Variants in DTNB observed in about 807,000 individuals in gnomAD.
The protein encoded by DTNB is DTN-B.
DTNB carries 63 observed loss-of-function variants against 90.7 expected under a neutral mutation model. The ratio of observed to expected loss-of-function variants is 0.69; its 90% confidence interval spans 0.57 to 0.86. The LOEUF (loss-of-function observed/expected upper bound fraction) is 0.86, where lower values mean the gene tolerates loss of function less well. DTNB is among the 40% of genes least tolerant of loss of function. The pLI, the probability that DTNB is intolerant of heterozygous loss-of-function variation, is 0.00. For synonymous variants in DTNB, 277 were observed against 286.7 expected, an observed-to-expected ratio of 0.97 and a Z score of 0.34; for missense variants, 744 against 807.1, an observed-to-expected ratio of 0.92 and a Z score of 0.95.
At chr2:25,412,536 A>T (rs1462589848) in intron 16 of DTNB, among the ~76,000 whole-genome samples, 1 of 152,208 alleles carries the variant, frequency 6.6e-6, no homozygotes, top group African/African-American at 2.4e-5. Context: ...TTACTGTCTA[A>T]AGTTACAGTC....
In DTNB at chr2:25,521,386, ATT is replaced by A. The variant is rs58602052; in HGVS notation, c.1001+10085_1001+10086del. Reference sequence around the variant, plus strand: ...GAGTGAGTATGGCTGTGTCCCAATAATTTTTTTTTTTTTTTTTTTTAAGACAG... The same window carrying A: ...GAGTGAGTATGGCTGTGTCCCAATAATTTTTTTTTTTTTTTTTTAAGACAG... On this transcript the variant is annotated intron_variant, in intron 9 of 20. Coordinates refer to ENST00000406818, the MANE Select transcript of DTNB (RefSeq NM_021907.5). 2.7e-3 allele frequency among the ~76,000 whole-genome samples: 368 copies of A among 137,828 alleles called. 3 individuals carry two copies. Among genetic ancestry groups the A allele is most frequent in the African/African-American group, 8.2e-3 (307 of 37,510 alleles). 90.4% of individuals were successfully genotyped at this position (137,828 alleles called of 152,430 possible).
intron 4 of DTNB, among the ~76,000 whole-genome samples, chr2:25,617,193 G>A (rs528014005): frequency 6.6e-6 from 1 of 152,224 alleles, no homozygotes; most frequent in African/African-American, 2.4e-5. Context: ...AAGGGTCAGG[G>A]GATATGCACC....
At chr2:25,595,989 AC>A (rs1391653268) in intron 6 of DTNB, 96 bp downstream of exon 6, 1 of 1,195,254 alleles carries the variant, frequency 8.4e-7, no homozygotes. Context: ...CCTACTCAAG[AC>A]CTTACTAGAC....
At position 25,492,609 on chromosome 2, in the gene DTNB, A is replaced by G. The variant is rs141440151; in HGVS notation, c.1002-9736T>C. On this transcript the variant is annotated intron_variant, in intron 9 of 20. Coordinates refer to ENST00000406818, the MANE Select transcript of DTNB (RefSeq NM_021907.5). The stretch of plus-strand genomic sequence containing the variant: ...CTGGGTGCAGTGGCTCACACCTGTA[A>G]TCCCACCACTTTGGGAGGCCGAGGC... Among the ~76,000 whole-genome samples, 22 of 152,306 alleles carry G rather than the reference A, an allele frequency of 1.4e-4. No homozygotes were observed. The East Asian group carries it at 4.1e-3, about 28-fold the overall frequency.
At chr2:25,607,386 C>T (rs2067349479) in intron 4 of DTNB, 65 bp from the exon 5 acceptor site, 3 of 1,475,102 alleles carry the variant, frequency 2.0e-6, no homozygotes, top group East Asian at 4.9e-5. Flanking sequence ...GAATGTATCA[C>T]TAAATACTGA....
At chr2:25,489,074 A>G (rs2066820926) in intron 9 of DTNB, among the ~76,000 whole-genome samples, 1 of 152,240 alleles carries the variant, frequency 6.6e-6, no homozygotes, top group African/African-American at 2.4e-5. Context: ...CACATCTCCT[A>G]TTACAAAGCA....
At chr2:25,423,133 G>A (rs915480983) in intron 15 of DTNB, among the ~76,000 whole-genome samples, 2 of 152,124 alleles carry the variant, frequency 1.3e-5, no homozygotes, top group African/African-American at 4.8e-5. Flanking sequence ...GGAGGCAGAG[G>A]TTGCAGGGAG....
At chr2:25,539,577 CTTTTTT>C (rs376900916) in intron 8 of DTNB, among the ~76,000 whole-genome samples, 1 of 123,322 alleles carries the variant, frequency 8.1e-6, no homozygotes, top group East Asian at 2.4e-4. Flanking sequence ...ACTGGATTGC[CTTTTTT>C]TTTTTTTTTT....
At chr2:25,495,385 T>C (rs902758267) in intron 9 of DTNB, among the ~76,000 whole-genome samples, 1 of 152,212 alleles carries the variant, frequency 6.6e-6, no homozygotes, top group African/African-American at 2.4e-5. Flanking sequence ...TCTTTTTAGT[T>C]ACTACTACTC....
At chr2:25,487,051 T>G (rs953791223) in intron 9 of DTNB, among the ~76,000 whole-genome samples, 1 of 152,180 alleles carries the variant, frequency 6.6e-6, no homozygotes, top group Admixed American at 6.5e-5. Context: ...TGGTAGTCAG[T>G]AGAGGTAGTT....
intron 8 of DTNB, among the ~76,000 whole-genome samples, chr2:25,540,047 C>A (rs1164414763): frequency 6.6e-6 from 1 of 152,172 alleles, no homozygotes; most frequent in Non-Finnish European, 1.5e-5. Flanking sequence ...GATTTTATGA[C>A]TACAGCTTCC....
At chr2:25,445,486 T>C (rs2058263062) in intron 12 of DTNB, among the ~76,000 whole-genome samples, 1 of 152,202 alleles carries the variant, frequency 6.6e-6, no homozygotes, top group Non-Finnish European at 1.5e-5. Context: ...AAGCAAGAAT[T>C]CCCATTTGCA....
intron 8 of DTNB, among the ~76,000 whole-genome samples, chr2:25,547,744 G>T (rs1572404067): frequency 6.6e-6 from 1 of 152,134 alleles, no homozygotes; most frequent in East Asian, 1.9e-4. Flanking sequence ...AAAATTATCT[G>T]TTTCTTGAAG....
At chr2:25,671,320 G>A (rs780675315) in intron 1 of DTNB, among the ~76,000 whole-genome samples, 1 of 152,122 alleles carries the variant, frequency 6.6e-6, no homozygotes, top group Non-Finnish European at 1.5e-5. Context: ...AACCGCACAC[G>A]GGAAATCTGT....
chr2:25,525,998 C>T (rs1225536643), intron 9 of DTNB, among the ~76,000 whole-genome samples: 1 of 152,102 alleles, frequency 6.6e-6, no homozygotes, highest in African/African-American at 2.4e-5. Context: ...CCTTTCTAGG[C>T]CCACCAGGAA....
chr2:25,609,654 A>T (rs1225880909), intron 4 of DTNB, among the ~76,000 whole-genome samples: 2 of 92,402 alleles, frequency 2.2e-5, no homozygotes, highest in African/African-American at 8.1e-5. Flanking sequence ...CCATAATAGA[A>T]TGTACACACA....
At chr2:25,504,554 CAGAAAGAAAGAA>C (rs145795119) in intron 9 of DTNB, among the ~76,000 whole-genome samples, 1 of 110,994 alleles carries the variant, frequency 9.0e-6, no homozygotes, top group Non-Finnish European at 1.8e-5. Context: ...GAAGGCAAGG[CAGAAAGAAAGAA>C]AGAAAGAAAG....
chr2:25,599,843 C>T (rs893075403), intron 5 of DTNB, among the ~76,000 whole-genome samples: 2 of 151,982 alleles, frequency 1.3e-5, no homozygotes, highest in African/African-American at 4.8e-5. Context: ...ACCTGTAATC[C>T]CAGAACTTTG....
intron 8 of DTNB, among the ~76,000 whole-genome samples, chr2:25,533,528 T>C (rs2150935654): frequency 1.3e-5 from 2 of 152,348 alleles, no homozygotes; most frequent in Admixed American, 1.3e-4. Context: ...ATGTCACTCT[T>C]CTGCTTAACA....
Sources: allele counts gnomAD v4.1 joint callset (sites outside exome capture counted in the v4.1 genomes callset), GRCh38; gene constraint gnomAD v4.1.1; transcripts MANE v1.5; gene names NCBI Gene and HGNC (gene_info 2026-07-23, HGNC 2026-07-21).